MUSK: variants seen among roughly 807,000 people sequenced by gnomAD.
MUSK encodes muscle associated receptor tyrosine kinase.
In MUSK, 55 loss-of-function variants were observed where a neutral mutation model predicts 88.7. The ratio of observed to expected loss-of-function variants is 0.62; its 90% CI spans 0.50 to 0.78. MUSK has a LOEUF of 0.78. Among genes scored for constraint, MUSK ranks in the 30% least tolerant of loss-of-function variants. The probability of loss-of-function intolerance (pLI) is 0.00; values close to 1 mark genes in which losing one functional copy is unlikely to be tolerated. For synonymous variants in MUSK, 387 were observed against 391.9 expected (o/e 0.99, Z 0.15); for missense variants, 1,015 against 1,074.3 (o/e 0.94, Z 0.77).
In MUSK at chr9:110,767,855, A is replaced by C. The variant is rs2077508014; in HGVS notation, c.956A>C (p.Gln319Pro). 1.2e-6 allele frequency: 2 copies of C among 1,613,892 alleles called. No homozygotes were observed. Among genetic ancestry groups the C allele is most frequent in the East Asian group, 2.2e-5 (1 of 44,894 alleles). ...AAAGATAACAAAGGCTACTGCGCCC[A>C]GTACAGAGGGGAGGTGTGTAATGCA... ...PQKDNKGYCA[Q>P]YRGEVCNAVL... Residue 319 changes from glutamine (Q) to proline (P), a missense_variant, in exon 9 of 15, where the codon CAG becomes CCG. Physicochemically the swap from Gln to Pro is moderately conservative, Grantham distance 76. Transcript: ENST00000374448.
intron 8 of MUSK, among the ~76,000 whole-genome samples, chr9:110,764,124 A>G (rs1242269566): frequency 6.6e-6 from 1 of 152,214 alleles, no homozygotes; most frequent in East Asian, 1.9e-4. Flanking sequence ...TAGCATTATT[A>G]GAAGCTAGTC....
intron 14 of MUSK, among the ~76,000 whole-genome samples, chr9:110,799,661 G>A (rs1564299466): frequency 6.6e-6 from 1 of 152,190 alleles, no homozygotes. Flanking sequence ...CAGACACGTG[G>A]TAGGTGTGGG....
intron 5 of MUSK, 51 bp from the exon 6 acceptor site, chr9:110,734,200 C>A (rs889611007): frequency 6.4e-7 from 1 of 1,567,076 alleles, no homozygotes; most frequent in African/African-American, 1.4e-5. Context: ...ACCACCCTAG[C>A]TTGACCATTT....
chr9:110,779,054 G>C (rs1224645179), intron 11 of MUSK, among the ~76,000 whole-genome samples: 1 of 111,156 alleles, frequency 9.0e-6, no homozygotes. Context: ...AAGCGTCAGT[G>C]TCTCTGTGTG....
chr9:110,689,776 A>T (rs2076283672), intron 3 of MUSK, among the ~76,000 whole-genome samples: 1 of 65,348 alleles, frequency 1.5e-5, no homozygotes, highest in African/African-American at 6.4e-5. Flanking sequence ...TATATCACAT[A>T]TAGTTTATAT....
intron 5 of MUSK, among the ~76,000 whole-genome samples, chr9:110,712,051 T>C (rs1002370536): frequency 6.6e-6 from 1 of 152,142 alleles, no homozygotes; most frequent in Admixed American, 6.6e-5. Flanking sequence ...TTAATATTCC[T>C]GATCTATAAA....
At chr9:110,768,707 A>G (rs1222604875) in intron 9 of MUSK, among the ~76,000 whole-genome samples, 1 of 152,192 alleles carries the variant, frequency 6.6e-6, no homozygotes, top group Non-Finnish European at 1.5e-5. Flanking sequence ...GGACCTCATT[A>G]GTAAGCCAAG....
At chr9:110,740,509 T>C (rs1189311521) in intron 6 of MUSK, among the ~76,000 whole-genome samples, 4 of 152,158 alleles carry the variant, frequency 2.6e-5, no homozygotes, top group Non-Finnish European at 5.9e-5. Flanking sequence ...TTTATTCCTC[T>C]CTTTTATAGA....
chr9:110,695,397 T>G lies in MUSK; in HGVS notation c.359-6T>G, dbSNP rs1423468877. On this transcript the variant is annotated splice_polypyrimidine_tract_variant and splice_region_variant and intron_variant, in intron 3 of 14. Coordinates refer to ENST00000374448, the MANE Select transcript of MUSK (RefSeq NM_005592.4). ...TTATTTATTTTGAATTTTCATTTCT[T>G]TTTAGAACCTAAAATAACTCGTCCT... 5 of 1,481,644 alleles carry G rather than the reference T, an allele frequency of 3.4e-6. No individual in the cohort carries two copies. The highest frequency in any genetic ancestry group is 2.3e-5 in the Admixed American group (1 of 44,126). 91.8% of individuals were successfully genotyped at this position (1,481,644 alleles called of 1,614,324 possible).
intron 7 of MUSK, among the ~76,000 whole-genome samples, chr9:110,750,214 T>C (rs1192313007): frequency 6.6e-6 from 1 of 152,146 alleles, no homozygotes; most frequent in African/African-American, 2.4e-5. Context: ...GAGAGTCTCA[T>C]TTCAGGTCAT....
intron 14 of MUSK, among the ~76,000 whole-genome samples, chr9:110,790,545 T>C (rs1189103840): frequency 2.0e-5 from 3 of 152,282 alleles, no homozygotes; most frequent in South Asian, 2.1e-4. Flanking sequence ...GTTGGATGGA[T>C]TGGCCTTTGT....
At chr9:110,732,085 C>T (rs66955025) in intron 5 of MUSK, among the ~76,000 whole-genome samples, 25,294 of 151,954 alleles carry the variant, frequency 0.17, 2,362 homozygotes, top group East Asian at 0.33. Flanking sequence ...ATTCAAAAGG[C>T]GTTTTTGATT....
At chr9:110,769,819 A>G (rs1408445663) in intron 9 of MUSK, among the ~76,000 whole-genome samples, 1 of 152,166 alleles carries the variant, frequency 6.6e-6, no homozygotes, top group Non-Finnish European at 1.5e-5. Flanking sequence ...GCCACGGGAT[A>G]GTTATCATAC....
intron 1 of MUSK, among the ~76,000 whole-genome samples, chr9:110,681,031 A>ATATAT: frequency 9.6e-5 from 1 of 10,366 alleles, no homozygotes; most frequent in African/African-American, 8.3e-4. Flanking sequence ...ATTATATATT[A>ATATAT]TATATTATAT....
intron 12 of MUSK, 48 bp from the exon 13 acceptor site, chr9:110,785,479 C>G (rs1171582886): frequency 1.4e-6 from 2 of 1,467,906 alleles, no homozygotes; most frequent in Admixed American, 4.1e-5. Flanking sequence ...GTACAAAGAT[C>G]TAACCTGCTT....
chr9:110,761,890 A>G, intron 7 of MUSK: 1 of 985,082 alleles, frequency 1.0e-6, no homozygotes, highest in Non-Finnish European at 1.2e-6. Context: ...TTGATTTCTT[A>G]ATGTAAAGTC....
At chr9:110,751,711 G>T (rs2077250219) in intron 7 of MUSK, among the ~76,000 whole-genome samples, 2 of 152,084 alleles carry the variant, frequency 1.3e-5, no homozygotes, top group South Asian at 4.1e-4. Context: ...CTGGACAGGG[G>T]TATGTTTACA....
intron 3 of MUSK, among the ~76,000 whole-genome samples, chr9:110,690,582 T>A (rs1490243350): frequency 3.2e-5 from 1 of 31,478 alleles, no homozygotes; most frequent in Non-Finnish European, 5.0e-5. Context: ...ATATATATAT[T>A]TAAATATAAG....
At chr9:110,748,750 A>T (rs184084876) in intron 7 of MUSK, among the ~76,000 whole-genome samples, 83 of 152,278 alleles carry the variant, frequency 5.5e-4, no homozygotes, top group Non-Finnish European at 6.8e-4. Context: ...CCTGATGGGG[A>T]ACTTTCCAGT....
Sources: allele counts gnomAD v4.1 joint callset (sites outside exome capture counted in the v4.1 genomes callset), GRCh38; gene constraint gnomAD v4.1.1; transcripts MANE v1.5; gene names NCBI Gene and HGNC (gene_info 2026-07-23, HGNC 2026-07-21).